ADGRV1: variants seen among roughly 807,000 people sequenced by gnomAD.
ADGRV1 encodes the protein G-protein coupled receptor 98.
In ADGRV1, 359 loss-of-function variants were observed where a neutral mutation model predicts 596.2. That is an observed-to-expected ratio of 0.60 (90% CI 0.55 to 0.66). ADGRV1 has a LOEUF of 0.66. Among genes scored for constraint, ADGRV1 ranks in the 30% least tolerant of loss-of-function variants. The probability of loss-of-function intolerance (pLI) is 0.00; values close to 1 mark genes in which losing one functional copy is unlikely to be tolerated. For synonymous variants in ADGRV1, 2,681 were observed against 2,679.2 expected, an observed-to-expected ratio of 1.00 and a Z score of -0.02; for missense variants, 7,274 against 7,575.6, an observed-to-expected ratio of 0.96 and a Z score of 1.48.
chr5:90,705,430 A>G lies in ADGRV1; in HGVS notation c.8417A>G (p.Asp2806Gly). The change falls in exon 37 of 90, where the codon GAT becomes GGT. Residue 2806 changes from aspartate (D) to glycine (G), a missense_variant. By Grantham distance (94) the Asp-to-Gly change is moderately conservative (BLOSUM62 -1). Around this residue, in one of 5 missense-constraint regions of ADGRV1, gnomAD observed 3,643 missense variants for 3,809.2 expected, o/e 0.96. Coordinates refer to ENST00000405460, the MANE Select transcript of ADGRV1 (RefSeq NM_032119.4). Reference sequence around the variant, plus strand: ...CCACCAGCCGGAATCGCCCTGCTTGATGCTCAAGGATATGCAGCTGTCCTC... The same window carrying G: ...CCACCAGCCGGAATCGCCCTGCTTGGTGCTCAAGGATATGCAGCTGTCCTC... ...GVPPAGIALL[D>G]AQGYAAVLTV... The G allele has an allele frequency of 6.2e-7, 1 of 1,613,876 alleles. No homozygotes were observed. The highest frequency in any genetic ancestry group is 8.5e-7 in the Non-Finnish European group (1 of 1,179,790).
intron 9 of ADGRV1, among the ~76,000 whole-genome samples, chr5:90,634,132 G>A (rs572545774): frequency 6.6e-6 from 1 of 152,272 alleles, no homozygotes; most frequent in Admixed American, 6.5e-5. Flanking sequence ...GGTTTTTGCA[G>A]TCCTGTGACG....
At chr5:90,963,948 A>G (rs1019447462) in intron 83 of ADGRV1, among the ~76,000 whole-genome samples, 1 of 151,792 alleles carries the variant, frequency 6.6e-6, no homozygotes, top group Non-Finnish European at 1.5e-5. Flanking sequence ...TTAAATTAGC[A>G]TGTTGGGTCT....
intron 26 of ADGRV1, among the ~76,000 whole-genome samples, chr5:90,680,829 A>T (rs1744836145): frequency 6.6e-6 from 1 of 152,224 alleles, no homozygotes; most frequent in South Asian, 2.1e-4. Context: ...GGACTATTTA[A>T]GATCAGGAGA....
intron 86 of ADGRV1, among the ~76,000 whole-genome samples, chr5:91,101,524 A>C (rs553065745): frequency 2.0e-5 from 3 of 152,324 alleles, no homozygotes; most frequent in East Asian, 3.9e-4. Context: ...TCGCCTCTAT[A>C]TGGTTATTAT....
chr5:90,861,181 C>T (rs1767516444), intron 82 of ADGRV1, among the ~76,000 whole-genome samples: 1 of 152,076 alleles, frequency 6.6e-6, no homozygotes, highest in Non-Finnish European at 1.5e-5. Context: ...ACTCAATTAG[C>T]TGCTTGTTTT....
At chr5:90,587,555 CTTTTTTTT>C (rs35819836) in intron 1 of ADGRV1, among the ~76,000 whole-genome samples, 1 of 138,518 alleles carries the variant, frequency 7.2e-6, no homozygotes, top group Non-Finnish European at 1.6e-5. Context: ...TTTTCTGTGT[CTTTTTTTT>C]TTTTTTTTTT....
chr5:90,945,118 C>T (rs1044666098), intron 83 of ADGRV1, among the ~76,000 whole-genome samples: 3 of 152,064 alleles, frequency 2.0e-5, no homozygotes, highest in African/African-American at 7.2e-5. Flanking sequence ...TTACAGATGC[C>T]TTCAGTTCAA....
intron 54 of ADGRV1, among the ~76,000 whole-genome samples, chr5:90,754,534 T>TAG (rs1169030189): frequency 6.6e-6 from 1 of 152,206 alleles, no homozygotes; most frequent in Non-Finnish European, 1.5e-5. Flanking sequence ...AGCCTCCTGA[T>TAG]AGGCACGTCA....
Position 90,658,409 on chromosome 5 carries a change from G to A in ADGRV1, c.4752+131G>A, listed in dbSNP as rs142559992. 131 of 698,920 alleles carry A rather than the reference G, an allele frequency of 1.9e-4. 1 individual carries two copies. In the African/African-American group the frequency reaches 1.9e-3, roughly 10 times the overall value. The allele number at this position is 698,920 out of a possible 1,614,324, so 43.3% of individuals were successfully genotyped here. On this transcript the variant is annotated intron_variant, in intron 21 of 89. Coordinates refer to ENST00000405460, the MANE Select transcript of ADGRV1 (RefSeq NM_032119.4). ...CAAGTCCAGAAGTATGCTAGGGCCA[G>A]TGATTGCAAATATAAATTACAAAAT...
chr5:90,652,567 C>T lies in ADGRV1; in HGVS notation c.3634+4C>T, dbSNP rs1768793095. On this transcript the variant is annotated splice_donor_region_variant and intron_variant, in intron 19 of 89. Transcript: ENST00000405460. ...CTAAAACTTGTAAACATTTCAGGTA[C>T]TGTGTTTTTCCATGTCTTATTTTAT... The T allele has an allele frequency of 6.5e-7, 1 of 1,550,324 alleles. No individual in the cohort carries two copies. The highest frequency in any genetic ancestry group is 8.8e-7 in the Non-Finnish European group (1 of 1,132,596).
intron 1 of ADGRV1, among the ~76,000 whole-genome samples, chr5:90,576,425 C>T (rs1478820171): frequency 6.6e-6 from 1 of 152,066 alleles, no homozygotes; most frequent in African/African-American, 2.4e-5. Flanking sequence ...CATCCATATC[C>T]CTGCAAAGGA....
At chr5:91,127,157 G>C (rs1255155125) in intron 87 of ADGRV1, among the ~76,000 whole-genome samples, 1 of 152,140 alleles carries the variant, frequency 6.6e-6, no homozygotes, top group Non-Finnish European at 1.5e-5. Context: ...ACCAGTATGG[G>C]AGTCCATCCC....
intron 59 of ADGRV1, among the ~76,000 whole-genome samples, chr5:90,769,090 T>A (rs1426120983): frequency 6.6e-6 from 1 of 152,128 alleles, no homozygotes; most frequent in Non-Finnish European, 1.5e-5. Flanking sequence ...GGGGTTGTCT[T>A]CAGATGAGAC....
intron 21 of ADGRV1, among the ~76,000 whole-genome samples, chr5:90,670,397 T>C (rs192095528): frequency 9.3e-4 from 142 of 152,348 alleles, no homozygotes; most frequent in Non-Finnish European, 1.3e-3. Context: ...AGTATGAAGC[T>C]ACTGCTTCAA....
At chr5:90,783,089 C>T in intron 65 of ADGRV1, 35 bp from the exon 66 acceptor site, 1 of 1,574,138 alleles carries the variant, frequency 6.4e-7, no homozygotes, top group Non-Finnish European at 8.7e-7. Flanking sequence ...GTTGCTCTGT[C>T]TGGCTTACCA....
At chr5:90,823,765 T>C (rs936013116) in intron 76 of ADGRV1, among the ~76,000 whole-genome samples, 169 bp downstream of exon 76, 8 of 152,246 alleles carry the variant, frequency 5.3e-5, no homozygotes, top group Non-Finnish European at 1.0e-4. Context: ...TAGACAGACT[T>C]GATTACATTA....
intron 85 of ADGRV1, among the ~76,000 whole-genome samples, chr5:90,986,313 A>C (rs1041520239): frequency 4.6e-5 from 7 of 151,902 alleles, no homozygotes; most frequent in Admixed American, 3.3e-4. Context: ...TTTTGAAGAC[A>C]GTATTACTTA....
intron 75 of ADGRV1, among the ~76,000 whole-genome samples, chr5:90,820,916 G>C (rs1267514339): frequency 6.6e-6 from 1 of 152,052 alleles, no homozygotes; most frequent in African/African-American, 2.4e-5. Flanking sequence ...TTCTCGAGGA[G>C]TATCTTTGTG....
Position 90,778,442 on chromosome 5 carries a change from A to C in ADGRV1, c.12682A>C (p.Ile4228Leu). 3 of 1,612,748 alleles carry C rather than the reference A, an allele frequency of 1.9e-6. No homozygotes were observed. The highest frequency in any genetic ancestry group is 2.5e-6 in the Non-Finnish European group (3 of 1,179,362). ...CTTTTTCTAGGCTTTGAACGATGAC[A>C]TTCCCGAGGAAAAAAGCTTCTATGA... ...IVVIQALNDDIPEEKSFYEFQ... is the reference protein window; with the variant it reads ...IVVIQALNDDLPEEKSFYEFQ... The change falls in exon 63 of 90, where the codon ATT becomes CTT. Residue 4228 changes from isoleucine to leucine, a missense_variant. This residue lies in a region of ADGRV1 where 3,643 missense variants were observed against 3,809.2 expected (regional missense o/e 0.96). Transcript: ENST00000405460.
Sources: allele counts gnomAD v4.1 joint callset (sites outside exome capture counted in the v4.1 genomes callset), GRCh38; gene constraint gnomAD v4.1.1; regional missense constraint gnomAD v4.1.1; transcripts MANE v1.5; gene names NCBI Gene and HGNC (gene_info 2026-07-23, HGNC 2026-07-21).